Variants in SLC14A2 observed in about 807,000 individuals in gnomAD.
SLC14A2 encodes the protein solute carrier family 14 member 2, also known as urea transporter 2.
SLC14A2 carries 91 observed loss-of-function variants against 104.6 expected under a neutral mutation model. The ratio of observed to expected loss-of-function variants is 0.87; its 90% CI spans 0.73 to 1.04. The LOEUF (loss-of-function observed/expected upper bound fraction) is 1.04, where lower values mean the gene tolerates loss of function less well. SLC14A2 is among the 50% of genes least tolerant of loss of function. The pLI is 0.00. For synonymous variants in SLC14A2, 476 were observed against 466.4 expected, an observed-to-expected ratio of 1.02 and a Z score of -0.27; for missense variants, 1,189 against 1,156.0, an observed-to-expected ratio of 1.03 and a Z score of -0.41.
intron 1 of SLC14A2, among the ~76,000 whole-genome samples, chr18:45,298,107 G>A (rs766518217): frequency 1.3e-5 from 2 of 152,010 alleles, no homozygotes; most frequent in African/African-American, 2.4e-5. Flanking sequence ...AATATCTTCT[G>A]AATATTTATT....
At position 45,639,858 on chromosome 18, in the gene SLC14A2, A is replaced by G; in HGVS notation, c.956A>G (p.His319Arg). 2.5e-6 allele frequency: 4 copies of G among 1,613,816 alleles called. No individual in the cohort carries two copies. Among genetic ancestry groups the G allele is most frequent in the East Asian group, 2.2e-5 (1 of 44,868 alleles). Reference protein sequence around the residue: ...LFISSPLICLHAAIGSIVGLL... With the variant: ...LFISSPLICLRAAIGSIVGLL... ...ATCTCCTCGCCACTCATCTGCTTGC[A>G]TGCAGCCATTGGCTCAATCGTGGGG... The change falls in exon 7 of 20, where the codon CAT becomes CGT. Residue 319 changes from histidine to arginine, a missense_variant. Transcript: ENST00000255226.
intron 1 of SLC14A2, among the ~76,000 whole-genome samples, chr18:45,265,794 G>A (rs976346707): frequency 2.0e-5 from 3 of 152,174 alleles, no homozygotes; most frequent in African/African-American, 7.2e-5. Context: ...CAGAGAGTGA[G>A]TTGCCCTGTT....
intron 1 of SLC14A2, among the ~76,000 whole-genome samples, chr18:45,220,568 G>A (rs1016706884): frequency 4.6e-5 from 7 of 152,194 alleles, no homozygotes; most frequent in Non-Finnish European, 8.8e-5. Context: ...TCTTTCTGTT[G>A]TCACAGGCAT....
chr18:45,589,394 G>T (rs1192050842), intron 2 of SLC14A2, among the ~76,000 whole-genome samples: 1 of 152,030 alleles, frequency 6.6e-6, no homozygotes, highest in Admixed American at 6.5e-5. Context: ...CACACACAAG[G>T]GCCCTTTGTT....
At chr18:45,441,316 A>G (rs918434880) in intron 1 of SLC14A2, among the ~76,000 whole-genome samples, 1 of 152,230 alleles carries the variant, frequency 6.6e-6, no homozygotes, top group Non-Finnish European at 1.5e-5. Context: ...GTGGAGGGGC[A>G]TGATATTCAA....
chr18:45,171,616 C>A, the SLC14A2 span, among the ~76,000 whole-genome samples: 1 of 152,120 alleles, frequency 6.6e-6, no homozygotes. Context: ...AGTCATCTCT[C>A]CCCTCATTTA....
At chr18:45,370,251 A>G (rs1361960396) in intron 1 of SLC14A2, among the ~76,000 whole-genome samples, 2 of 152,076 alleles carry the variant, frequency 1.3e-5, no homozygotes, top group African/African-American at 4.8e-5. Context: ...CCCCACTTCA[A>G]CCACCCCTCA....
the SLC14A2 span, among the ~76,000 whole-genome samples, chr18:45,188,494 T>A: frequency 1.3e-5 from 2 of 152,254 alleles, no homozygotes; most frequent in African/African-American, 4.8e-5. Flanking sequence ...AGCATGCTCC[T>A]AGAATTCCCT....
At chr18:45,259,965 AT>A (rs144786526) in intron 1 of SLC14A2, among the ~76,000 whole-genome samples, 1 of 152,072 alleles carries the variant, frequency 6.6e-6, no homozygotes, top group Non-Finnish European at 1.5e-5. Context: ...TAATGGAATG[AT>A]TTTTTTGGTA....
chr18:45,340,555 A>T (rs923513568), intron 1 of SLC14A2, among the ~76,000 whole-genome samples: 3 of 152,236 alleles, frequency 2.0e-5, no homozygotes, highest in African/African-American at 7.2e-5. Flanking sequence ...CTAACAGAAA[A>T]GTCTTACCAA....
chr18:45,439,560 T>C (rs568518663), intron 1 of SLC14A2, among the ~76,000 whole-genome samples: 1 of 152,338 alleles, frequency 6.6e-6, no homozygotes, highest in Non-Finnish European at 1.5e-5. Context: ...ACAACCAACC[T>C]GTTTCTTGCT....
intron 1 of SLC14A2, among the ~76,000 whole-genome samples, chr18:45,357,237 A>ATTTTT (rs56321113): frequency 0.027 from 3,380 of 126,326 alleles, 174 homozygotes; most frequent in African/African-American, 0.1. Context: ...TTGGGACACA[A>ATTTTT]TTTTTTTTTT....
chr18:45,323,379 T>C (rs767835498), intron 1 of SLC14A2, among the ~76,000 whole-genome samples: 2 of 152,122 alleles, frequency 1.3e-5, no homozygotes, highest in Non-Finnish European at 2.9e-5. Flanking sequence ...TTCTTTAGAG[T>C]CTTTCTCTCA....
In SLC14A2 at chr18:45,669,367, C is replaced by T. The variant is rs746751573; in HGVS notation, c.2098C>T (p.Leu700=). Reference sequence around the variant, plus strand: ...CAAGTGGGACCTCCCAGTCTTCACACTGCCCTTCAATATCACTGTGACTTT... The same window carrying T: ...CAAGTGGGACCTCCCAGTCTTCACATTGCCCTTCAATATCACTGTGACTTT... ...FSKWDLPVFT[L]PFNITVTLYL... Residue 700 remains leucine, a synonymous_variant, in exon 16 of 20, where the codon CTG becomes TTG. Coordinates refer to ENST00000255226, the MANE Select transcript of SLC14A2 (RefSeq NM_007163.4). 2.0e-5 allele frequency: 33 copies of T among 1,614,026 alleles called. No homozygotes were observed. Among genetic ancestry groups the T allele is most frequent in the Non-Finnish European group, 2.7e-5 (32 of 1,179,970 alleles).
chr18:45,621,790 T>C (rs2045175337), intron 1 of SLC14A2, among the ~76,000 whole-genome samples: 1 of 152,146 alleles, frequency 6.6e-6, no homozygotes, highest in Non-Finnish European at 1.5e-5. Flanking sequence ...CATGAGAGTA[T>C]GTGACAGGAG....
At chr18:45,306,955 C>G (rs2085028405) in intron 1 of SLC14A2, among the ~76,000 whole-genome samples, 1 of 152,116 alleles carries the variant, frequency 6.6e-6, no homozygotes, top group Non-Finnish European at 1.5e-5. Context: ...GGAACTAGGG[C>G]AAAGGCAGCC....
intron 1 of SLC14A2, among the ~76,000 whole-genome samples, chr18:45,350,592 A>C (rs1307236644): frequency 6.6e-6 from 1 of 152,188 alleles, no homozygotes; most frequent in Non-Finnish European, 1.5e-5. Context: ...CGGGTCACAC[A>C]TTAGGTACCT....
intron 10 of SLC14A2, among the ~76,000 whole-genome samples, chr18:45,648,994 AC>A (rs1432509490): frequency 7.9e-5 from 12 of 151,948 alleles, no homozygotes; most frequent in Non-Finnish European, 1.5e-4. Context: ...ACATGGTGAA[AC>A]CCTGTCTCTA....
intron 1 of SLC14A2, among the ~76,000 whole-genome samples, chr18:45,218,334 A>T (rs2084029061): frequency 6.6e-6 from 1 of 152,244 alleles, no homozygotes; most frequent in South Asian, 2.1e-4. Context: ...TGTAGCATAT[A>T]TCAGAATTTA....
Sources: gnomAD v4.1 joint callset for allele counts (sites outside exome capture counted in the v4.1 genomes callset) on GRCh38, gnomAD v4.1.1 for gene constraint, MANE v1.5 for transcripts, NCBI Gene and HGNC (gene_info 2026-07-23, HGNC 2026-07-21) for gene names.